The following PDE11A variants were observed in gnomAD, a reference collection of about 807,000 sequenced individuals.
PDE11A encodes the protein dual 3',5'-cyclic-AMP and -GMP phosphodiesterase 11A.
In PDE11A, 100 loss-of-function variants were observed where a neutral mutation model predicts 100.5. The observed-to-expected ratio is 1.00, with a 90% CI of 0.85 to 1.18. The LOEUF (loss-of-function observed/expected upper bound fraction) is 1.18, where lower values mean the gene tolerates loss of function less well. Ranked by LOEUF, PDE11A falls within the 50% of genes most tolerant of loss-of-function variation. PDE11A has a pLI of 0.00. For synonymous variants in PDE11A, 381 were observed against 420.8 expected, an observed-to-expected ratio of 0.91 and a Z score of 1.16; for missense variants, 1,141 against 1,152.6, an observed-to-expected ratio of 0.99 and a Z score of 0.15.
intron 10 of PDE11A, among the ~76,000 whole-genome samples, chr2:177,732,828 T>C (rs1203571685): frequency 1.5e-5 from 2 of 133,406 alleles, no homozygotes; most frequent in Non-Finnish European, 3.3e-5. Flanking sequence ...AGCCCTGCCA[T>C]AAACCCTTGC....
chr2:177,857,743 G>A (rs997731241), intron 5 of PDE11A, among the ~76,000 whole-genome samples: 2 of 152,000 alleles, frequency 1.3e-5, no homozygotes, highest in Non-Finnish European at 2.9e-5. Flanking sequence ...GCAGAGATCA[G>A]TAGAATGGAT....
At chr2:178,096,055 T>C (rs1354776838) in intron 2 of PDE11A, among the ~76,000 whole-genome samples, 1 of 152,232 alleles carries the variant, frequency 6.6e-6, no homozygotes, top group Non-Finnish European at 1.5e-5. Context: ...TGGAGACATT[T>C]TCCCCATTGT....
At chr2:177,798,597 T>C (rs1009470025) in intron 9 of PDE11A, among the ~76,000 whole-genome samples, 7 of 152,228 alleles carry the variant, frequency 4.6e-5, no homozygotes, top group Admixed American at 4.6e-4. Context: ...TGCATACACA[T>C]AAGTTCTTTT....
At chr2:177,656,414 A>T (rs769478597) in intron 19 of PDE11A, among the ~76,000 whole-genome samples, 1 of 152,154 alleles carries the variant, frequency 6.6e-6, no homozygotes. Context: ...GTGTAAGTAC[A>T]CTCTACGATG....
intron 15 of PDE11A, among the ~76,000 whole-genome samples, chr2:177,693,394 C>T (rs775820126): frequency 7.2e-5 from 11 of 152,172 alleles, no homozygotes; most frequent in Non-Finnish European, 1.5e-4. Context: ...ATATATGAGA[C>T]TTCTCAGATG....
chr2:177,630,292 G>T (rs976199751), intron 19 of PDE11A, among the ~76,000 whole-genome samples: 1 of 152,178 alleles, frequency 6.6e-6, no homozygotes, highest in Non-Finnish European at 1.5e-5. Flanking sequence ...ATATTCTTTT[G>T]TGCTTAATTT....
intron 2 of PDE11A, among the ~76,000 whole-genome samples, chr2:177,947,528 C>T (rs1255703508): frequency 6.6e-6 from 1 of 152,062 alleles, no homozygotes; most frequent in African/African-American, 2.4e-5. Flanking sequence ...GGATTAAGGG[C>T]GGTGCAAGAT....
chr2:177,991,450 A>T (rs1201135239), intron 2 of PDE11A, among the ~76,000 whole-genome samples: 1 of 150,302 alleles, frequency 6.7e-6, no homozygotes, highest in Non-Finnish European at 1.5e-5. Flanking sequence ...CCTGGCCAAC[A>T]TGGTGAAACC....
chr2:178,072,363 G>A lies in PDE11A; in HGVS notation c.75C>T (p.Tyr25=). Reference sequence around the variant, plus strand: ...TCTCCTGCTTCCCCTTCCGCATCAAGTAATCTTCAAACAACTCTGGGTGCC... The same window carrying A: ...TCTCCTGCTTCCCCTTCCGCATCAAATAATCTTCAAACAACTCTGGGTGCC... ...LDRHPELFED[Y]LMRKGKQEMV... is the part of the protein sequence containing the mutation. The change falls in exon 1 of 20, where the codon TAC becomes TAT. Residue 25 remains tyrosine, a synonymous_variant. Transcript: ENST00000286063. 6.2e-7 allele frequency: 1 copy of A among 1,613,960 alleles called. No homozygotes were observed. Among genetic ancestry groups the A allele is most frequent in the Admixed American group, 1.7e-5 (1 of 60,032 alleles).
chr2:178,087,690 G>A (rs1185760957), intron 2 of PDE11A, among the ~76,000 whole-genome samples: 1 of 152,166 alleles, frequency 6.6e-6, no homozygotes, highest in Admixed American at 6.5e-5. Context: ...TGTAATCTAT[G>A]CATGTAACAA....
chr2:178,080,965 T>A (rs1402231649), intron 2 of PDE11A, among the ~76,000 whole-genome samples: 2 of 152,176 alleles, frequency 1.3e-5, no homozygotes, highest in African/African-American at 4.8e-5. Context: ...ACATTTATAA[T>A]GTTTTAATGT....
chr2:177,886,470 A>C (rs1370090377), intron 4 of PDE11A, among the ~76,000 whole-genome samples: 1 of 152,240 alleles, frequency 6.6e-6, no homozygotes, highest in African/African-American at 2.4e-5. Context: ...TTCTAAACAC[A>C]GAGTTAAGAT....
intron 9 of PDE11A, among the ~76,000 whole-genome samples, chr2:177,794,848 C>T (rs1424098322): frequency 3.3e-5 from 5 of 152,060 alleles, no homozygotes; most frequent in East Asian, 1.9e-4. Context: ...TGCAGTGTCA[C>T]GATCTTGGCT....
chr2:178,098,473 T>C (rs999164461), intron 2 of PDE11A, among the ~76,000 whole-genome samples: 1 of 152,164 alleles, frequency 6.6e-6, no homozygotes, highest in Non-Finnish European at 1.5e-5. Context: ...TGGTAAGAGT[T>C]GGAGACTATG....
rs202024923 is a variant in PDE11A at position 177,982,742 on chromosome 2, C to CA, written c.1071+31559dup. On this transcript the variant is annotated intron_variant, in intron 2 of 19. Transcript: ENST00000286063. The stretch of plus-strand genomic sequence containing the variant: ...TAGCAAAATGTAATTTCTTGATAGC[C>CA]AAAAAAAAGAATTCAAATGTACACC... 6.2e-3 allele frequency among the ~76,000 whole-genome samples: 920 copies of CA among 149,320 alleles called. 24 individuals are homozygous for CA. The highest frequency in any genetic ancestry group is 0.02 in the African/African-American group (840 of 41,072).
At chr2:177,711,985 G>A in intron 12 of PDE11A, 107 bp from the exon 13 acceptor site, 1 of 671,782 alleles carries the variant, frequency 1.5e-6, no homozygotes, top group Non-Finnish European at 2.7e-6. Flanking sequence ...CATCATTTAA[G>A]GAGATGATTA....
At chr2:178,001,360 T>A (rs1031582930) in intron 2 of PDE11A, among the ~76,000 whole-genome samples, 1 of 151,210 alleles carries the variant, frequency 6.6e-6, no homozygotes, top group East Asian at 1.9e-4. Flanking sequence ...CTAGTGAGAA[T>A]TTATACTCCA....
chr2:177,655,826 T>C (rs2080373496), intron 19 of PDE11A, among the ~76,000 whole-genome samples: 1 of 152,358 alleles, frequency 6.6e-6, no homozygotes, highest in Non-Finnish European at 1.5e-5. Context: ...GTGTATTTTA[T>C]TGTATTATAA....
intron 9 of PDE11A, among the ~76,000 whole-genome samples, chr2:177,808,869 C>T (rs1401399250): frequency 6.6e-6 from 1 of 152,072 alleles, no homozygotes; most frequent in African/African-American, 2.4e-5. Flanking sequence ...CCCTAGTATC[C>T]ACTAATGTGT....
Sources: gnomAD v4.1 joint callset for allele counts (sites outside exome capture counted in the v4.1 genomes callset) on GRCh38, gnomAD v4.1.1 for gene constraint, MANE v1.5 for transcripts, NCBI Gene and HGNC (gene_info 2026-07-23, HGNC 2026-07-21) for gene names.